The following EYS variants were observed in gnomAD, a reference collection of about 807,000 sequenced individuals.
EYS encodes the protein EGF-like photoreceptor maintenance factor.
EYS carries 250 observed loss-of-function variants against 282.1 expected under a neutral mutation model. The observed-to-expected ratio is 0.89, with a 90% CI of 0.80 to 0.98. EYS has a LOEUF of 0.98. Among genes scored for constraint, EYS ranks in the 50% least tolerant of loss-of-function variants. The probability of loss-of-function intolerance (pLI) is 0.00; values close to 1 mark genes in which losing one functional copy is unlikely to be tolerated. For missense variants in EYS, 4,016 were observed against 3,709.0 expected, an observed-to-expected ratio of 1.08 and a Z score of -2.15; for synonymous variants, 1,355 against 1,282.9, an observed-to-expected ratio of 1.06 and a Z score of -1.20.
chr6:63,721,021 C>A lies in EYS; in HGVS notation c.9010G>T (p.Glu3004Ter). 6.4e-7 allele frequency: 1 copy of A among 1,551,226 alleles called. No individual in the cohort carries two copies. The highest frequency in any genetic ancestry group is 8.7e-7 in the Non-Finnish European group (1 of 1,146,722). ...CCAATTGCCAGAAAATCATTTTCTT[C>A]ATTTTGAGCTATTCCCATCCATACA... ...LIVWMGIAQNEENDFLAIGLH... is the reference protein window; with the variant it reads ...LIVWMGIAQN Residue 3004 changes from glutamate to a stop codon, truncating the protein, a stop_gained, in exon 43 of 43, where the codon GAA becomes TAA. Transcript: ENST00000503581. LOFTEE classifies it high-confidence loss of function.
chr6:65,651,510 T>C (rs1424618506), intron 1 of EYS, among the ~76,000 whole-genome samples: 1 of 152,078 alleles, frequency 6.6e-6, no homozygotes, highest in Non-Finnish European at 1.5e-5. Context: ...TTTAATCTTA[T>C]GATATCTTCA....
intron 26 of EYS, among the ~76,000 whole-genome samples, chr6:64,497,233 A>G (rs1452467387): frequency 6.6e-6 from 1 of 152,138 alleles, no homozygotes; most frequent in Non-Finnish European, 1.5e-5. Context: ...TTTATCTGTG[A>G]CTGCTTTGCA....
chr6:65,156,758 A>G (rs1260329231), intron 12 of EYS, among the ~76,000 whole-genome samples: 7 of 150,940 alleles, frequency 4.6e-5, no homozygotes, highest in African/African-American at 1.2e-4. Context: ...TTAGTCACAC[A>G]CACCTTTTTA....
chr6:64,434,953 A>G (rs1238489935), intron 28 of EYS, among the ~76,000 whole-genome samples: 1 of 151,908 alleles, frequency 6.6e-6, no homozygotes, highest in East Asian at 1.9e-4. Context: ...TATGTCCTTC[A>G]TGATTTGATT....
intron 31 of EYS, among the ~76,000 whole-genome samples, chr6:64,159,361 C>A (rs1303341742): frequency 6.6e-6 from 1 of 151,756 alleles, no homozygotes; most frequent in Admixed American, 6.6e-5. Context: ...GAGATTGAGA[C>A]CATCCTGGCT....
intron 31 of EYS, among the ~76,000 whole-genome samples, chr6:64,209,048 A>G (rs1765689436): frequency 6.6e-6 from 1 of 152,106 alleles, no homozygotes; most frequent in Admixed American, 6.6e-5. Context: ...ACATTTCAGC[A>G]TTAAGGGAAT....
At chr6:65,554,258 T>C (rs1280690409) in intron 2 of EYS, among the ~76,000 whole-genome samples, 1 of 152,204 alleles carries the variant, frequency 6.6e-6, no homozygotes, top group African/African-American at 2.4e-5. Context: ...TTCCCTTTCC[T>C]GTGAGGGTTT....
intron 35 of EYS, among the ~76,000 whole-genome samples, chr6:63,915,363 C>T (rs570048647): frequency 8.5e-5 from 13 of 152,234 alleles, no homozygotes; most frequent in African/African-American, 3.1e-4. Context: ...CTGTTGAGAC[C>T]TACTGCTCAG....
intron 2 of EYS, among the ~76,000 whole-genome samples, chr6:65,572,492 C>T (rs548894009): frequency 6.6e-6 from 1 of 151,970 alleles, no homozygotes; most frequent in Admixed American, 6.6e-5. Flanking sequence ...CATGAAAAAT[C>T]GATGTGGGGA....
Position 65,348,492 on chromosome 6 carries a change from A to T in EYS, c.1460-4315T>A, listed in dbSNP as rs576463886. ...CTAATAATGTTGAGCACATTTTCAT[A>T]TGCCTGTTTGCTATTTGCATATCTT... On this transcript the variant is annotated intron_variant, in intron 9 of 42. Coordinates refer to ENST00000503581, the MANE Select transcript of EYS (RefSeq NM_001142800.2). Among the ~76,000 whole-genome samples, 9 of 151,836 alleles carry T rather than the reference A, an allele frequency of 5.9e-5. No individual in the cohort carries two copies. In the East Asian group the frequency reaches 1.8e-3, roughly 30 times the overall value.
At chr6:64,688,093 T>G (rs547247349) in intron 22 of EYS, among the ~76,000 whole-genome samples, 5 of 152,060 alleles carry the variant, frequency 3.3e-5, no homozygotes, top group Non-Finnish European at 7.4e-5. Context: ...TTTTTTATTG[T>G]GTCTATTTGA....
At chr6:65,623,301 T>A (rs1243517305) in intron 2 of EYS, among the ~76,000 whole-genome samples, 1 of 152,178 alleles carries the variant, frequency 6.6e-6, no homozygotes, top group Non-Finnish European at 1.5e-5. Flanking sequence ...GGAACTAACA[T>A]GAAAAACATT....
chr6:64,204,168 A>G (rs1765551533), intron 31 of EYS, among the ~76,000 whole-genome samples: 1 of 152,180 alleles, frequency 6.6e-6, no homozygotes, highest in Admixed American at 6.5e-5. Flanking sequence ...TTCTGGAAAC[A>G]TATGTATTGA....
chr6:63,789,056 A>T lies in EYS; in HGVS notation c.7578+2T>A. Reference sequence around the variant, plus strand: ...GGAAGTGACGAAGGAATGACTCTTTACCTTCAGCCAGCCCTCTTGGAAGAA... The same window carrying T: ...GGAAGTGACGAAGGAATGACTCTTTTCCTTCAGCCAGCCCTCTTGGAAGAA... On this transcript the variant is annotated splice_donor_variant, in intron 38 of 42. Transcript: ENST00000503581. LOFTEE classifies it high-confidence loss of function. 1 of 1,551,204 alleles carries T rather than the reference A, an allele frequency of 6.4e-7. No homozygotes were observed. The highest frequency in any genetic ancestry group is 2.0e-5 in the Admixed American group (1 of 50,970).
At chr6:64,963,847 A>T (rs955075999) in intron 14 of EYS, among the ~76,000 whole-genome samples, 1 of 152,178 alleles carries the variant, frequency 6.6e-6, no homozygotes, top group Non-Finnish European at 1.5e-5. Flanking sequence ...ACATATATAA[A>T]ATGCTGACCA....
chr6:65,009,052 T>C (rs937046961), intron 13 of EYS, among the ~76,000 whole-genome samples: 1 of 152,144 alleles, frequency 6.6e-6, no homozygotes. Context: ...CAGGGGCCAT[T>C]ATACACGTGA....
chr6:65,079,866 G>T (rs1774177293), intron 12 of EYS, among the ~76,000 whole-genome samples: 2 of 151,884 alleles, frequency 1.3e-5, no homozygotes, highest in South Asian at 2.1e-4. Context: ...CTCCCTTATT[G>T]TTTCTCAACA....
chr6:65,090,447 G>A (rs544056530), intron 12 of EYS, among the ~76,000 whole-genome samples: 2 of 152,144 alleles, frequency 1.3e-5, no homozygotes, highest in African/African-American at 4.8e-5. Context: ...CCAGTCTTGG[G>A]TACATCTTTA....
intron 2 of EYS, among the ~76,000 whole-genome samples, chr6:65,568,309 T>C (rs1190414333): frequency 2.5e-4 from 3 of 11,854 alleles, no homozygotes; most frequent in African/African-American, 1.4e-3. Context: ...CTTTTTTTTC[T>C]TTTTTTTTTT....
Sources: gnomAD v4.1 joint callset for allele counts (sites outside exome capture counted in the v4.1 genomes callset) on GRCh38, gnomAD v4.1.1 for gene constraint, MANE v1.5 for transcripts, NCBI Gene and HGNC (gene_info 2026-07-23, HGNC 2026-07-21) for gene names.